The following DUSP22 variants were observed in gnomAD, a reference collection of about 807,000 sequenced individuals.
DUSP22 encodes the protein dual specificity protein phosphatase 22.
In DUSP22, 24 loss-of-function variants were observed where a neutral mutation model predicts 24.5. The ratio of observed to expected loss-of-function variants is 0.98; its 90% confidence interval spans 0.71 to 1.38. The LOEUF (loss-of-function observed/expected upper bound fraction) is 1.38. Ranked by LOEUF, DUSP22 falls within the 40% of genes most tolerant of loss-of-function variation. The pLI is 0.00. For synonymous variants in DUSP22, 160 were observed against 106.4 expected (o/e 1.50, Z -3.10); for missense variants, 330 against 269.2 (o/e 1.23, Z -1.58).
intron 1 of DUSP22, among the ~76,000 whole-genome samples, chr6:302,550 C>T (rs797014935): frequency 8.5e-5 from 13 of 152,422 alleles, no homozygotes; most frequent in South Asian, 4.1e-4. Flanking sequence ...TCCACTTTCC[C>T]TGTGTGAGCT....
At chr6:315,855 C>A (rs1758316050) in intron 3 of DUSP22, among the ~76,000 whole-genome samples, 1 of 152,304 alleles carries the variant, frequency 6.6e-6, no homozygotes, top group Non-Finnish European at 1.5e-5. Context: ...TCTTCCCTGG[C>A]AGAGCCTTTG....
intron 1 of DUSP22, among the ~76,000 whole-genome samples, chr6:303,085 A>G (rs2666942): frequency 1 from 151,921 of 152,420 alleles, 75,711 homozygotes; most frequent in Middle Eastern, 1. Context: ...GAAGAGCCAC[A>G]TGGCAATGAT....
chr6:334,492 A>G (rs1759277412), intron 3 of DUSP22, among the ~76,000 whole-genome samples: 1 of 152,310 alleles, frequency 6.6e-6, no homozygotes, highest in African/African-American at 2.4e-5. Context: ...GGAGTATATG[A>G]AGTTTATTTT....
rs959146632 is a variant in DUSP22 at position 349,905 on chromosome 6, G to A, written c.*954G>A. 1 of 985,914 alleles carries A rather than the reference G, an allele frequency of 1.0e-6. No homozygotes were observed. Among genetic ancestry groups the A allele is most frequent in the African/African-American group, 1.7e-5 (1 of 57,402 alleles). 61.1% of individuals were successfully genotyped at this position (985,914 alleles called of 1,614,324 possible). A position where few individuals can be genotyped will look rare whatever the true frequency, so the allele number is the denominator to read the frequency against. On this transcript the variant is annotated 3_prime_UTR_variant, in exon 7 of 7. Transcript: ENST00000419235. ...ACCCCCTCCTCTCTGCTCCTTGCCA[G>A]CTTCATTCACTCCCAGCCTCTCGCT... is the stretch of plus-strand genomic sequence containing the variant.
intron 3 of DUSP22, among the ~76,000 whole-genome samples, chr6:318,090 T>C (rs1485201240): frequency 6.6e-6 from 1 of 152,312 alleles, no homozygotes; most frequent in Non-Finnish European, 1.5e-5. Flanking sequence ...GATGTCCTGT[T>C]CTACAGAGCT....
intron 1 of DUSP22, among the ~76,000 whole-genome samples, chr6:295,955 A>G (rs577576471): frequency 6.6e-6 from 1 of 152,414 alleles, no homozygotes; most frequent in Non-Finnish European, 1.5e-5. Context: ...AGGTAGCATA[A>G]GTAATGCCAG....
At chr6:322,686 G>A (rs533529671) in intron 3 of DUSP22, among the ~76,000 whole-genome samples, 34 of 152,408 alleles carry the variant, frequency 2.2e-4, no homozygotes, top group African/African-American at 7.9e-4. Context: ...GAGCATCCAC[G>A]GAGGGAAAGA....
At chr6:328,182 C>T (rs889014789) in intron 3 of DUSP22, among the ~76,000 whole-genome samples, 24 of 152,416 alleles carry the variant, frequency 1.6e-4, no homozygotes, top group Non-Finnish European at 2.6e-4. Context: ...AGTAATACCA[C>T]GGAATGCCTT....
At chr6:310,201 T>C (rs1053630702) in intron 2 of DUSP22, among the ~76,000 whole-genome samples, 1 of 152,414 alleles carries the variant, frequency 6.6e-6, no homozygotes, top group African/African-American at 2.4e-5. Flanking sequence ...CCTCAGGTGA[T>C]TGGCCCGTCG....
chr6:302,343 T>G (rs1757619299), intron 1 of DUSP22, among the ~76,000 whole-genome samples: 1 of 152,306 alleles, frequency 6.6e-6, no homozygotes, highest in Non-Finnish European at 1.5e-5. Flanking sequence ...CAGTGTCTGC[T>G]GTGCAGGACC....
At chr6:300,208 C>T (rs1340100440) in intron 1 of DUSP22, among the ~76,000 whole-genome samples, 4 of 152,288 alleles carry the variant, frequency 2.6e-5, no homozygotes, top group African/African-American at 7.2e-5. Flanking sequence ...CCCTGGCCTG[C>T]GTCTCTGCAT....
At chr6:331,282 G>T (rs1759128617) in intron 3 of DUSP22, among the ~76,000 whole-genome samples, 1 of 152,302 alleles carries the variant, frequency 6.6e-6, no homozygotes, top group Non-Finnish European at 1.5e-5. Context: ...TATTGCTACA[G>T]GAAGACAACC....
rs906811467 is a variant in DUSP22, at chr6:299,614, G to T, written c.22-5014G>T. On this transcript the variant is annotated intron_variant, in intron 1 of 6. Coordinates refer to ENST00000419235, the MANE Select transcript of DUSP22 (RefSeq NM_001286555.3). ...CTTGAAACTCTAGCTCAGTCTCCTG[G>T]TCTGAAACATGAAGTTAAAGGTTGA... Among the ~76,000 whole-genome samples, 3 of 152,422 alleles carry T rather than the reference G, an allele frequency of 2.0e-5. No individual in the cohort carries two copies. The South Asian group carries it at 6.2e-4, about 32-fold the overall frequency.
chr6:328,968 A>G (rs1030822293), intron 3 of DUSP22, among the ~76,000 whole-genome samples: 1 of 152,300 alleles, frequency 6.6e-6, no homozygotes, highest in Admixed American at 6.5e-5. Flanking sequence ...TTAACCTTAC[A>G]TAATTTCTAC....
At chr6:337,799 C>G (rs1008379609) in intron 4 of DUSP22, among the ~76,000 whole-genome samples, 8 of 152,304 alleles carry the variant, frequency 5.3e-5, no homozygotes, top group Admixed American at 5.2e-4. Flanking sequence ...TAGTTCTCTC[C>G]TATCCCAAAT....
At chr6:308,369 T>C (rs1005033484) in intron 2 of DUSP22, among the ~76,000 whole-genome samples, 2 of 152,292 alleles carry the variant, frequency 1.3e-5, no homozygotes, top group South Asian at 2.1e-4. Context: ...GGACAACCAA[T>C]AGTGTGAAGT....
At chr6:328,275 G>A (rs1311534770) in intron 3 of DUSP22, among the ~76,000 whole-genome samples, 1 of 152,300 alleles carries the variant, frequency 6.6e-6, no homozygotes, top group Non-Finnish European at 1.5e-5. Context: ...TGAACTGAAA[G>A]CACCCGGTAG....
At position 317,349 on chromosome 6, in the gene DUSP22, A is replaced by G. The variant is rs1433724096; in HGVS notation, c.138+5387A>G. The stretch of plus-strand genomic sequence containing the variant: ...TGATCCACCCCATTTCTCTTGAACA[A>G]AAGTTTTGTTGGCTTCCCAAATGTA... On this transcript the variant is annotated intron_variant, in intron 3 of 6. Transcript: ENST00000419235. Among the ~76,000 whole-genome samples, 5 of 152,298 alleles carry G rather than the reference A, an allele frequency of 3.3e-5. No individual in the cohort carries two copies. In the East Asian group the frequency reaches 9.6e-4, roughly 29 times the overall value.
chr6:304,119 C>T (rs1757706947), intron 1 of DUSP22, among the ~76,000 whole-genome samples: 1 of 152,304 alleles, frequency 6.6e-6, no homozygotes, highest in African/African-American at 2.4e-5. Context: ...AAAGATGGGC[C>T]TTCACCTGGT....
Sources: allele counts gnomAD v4.1 joint callset (sites outside exome capture counted in the v4.1 genomes callset), GRCh38; gene constraint gnomAD v4.1.1; transcripts MANE v1.5; gene names NCBI Gene and HGNC (gene_info 2026-07-23, HGNC 2026-07-21).